DCC: variants seen among roughly 807,000 people sequenced by gnomAD.
DCC encodes the protein DCC netrin 1 receptor, also known as netrin receptor DCC.
DCC carries 58 observed loss-of-function variants against 172.5 expected under a neutral mutation model. That is an observed-to-expected ratio of 0.34 (90% CI 0.27 to 0.42). The LOEUF is 0.42. Among genes scored for constraint, DCC ranks in the 10% least tolerant of loss-of-function variants. The pLI, the probability that DCC is intolerant of heterozygous loss-of-function variation, is 1.00. For missense variants in DCC, 1,740 were observed against 1,791.0 expected (o/e 0.97, Z 0.51); for synonymous variants, 709 against 644.5 (o/e 1.10, Z -1.52).
chr18:52,786,954 T>C (rs1343662495), intron 2 of DCC, among the ~76,000 whole-genome samples: 10 of 152,136 alleles, frequency 6.6e-5, no homozygotes, highest in African/African-American at 2.4e-4. Context: ...ATTGCGATGA[T>C]GCAAACAACT....
chr18:53,512,423 C>T (rs923679703), intron 27 of DCC, among the ~76,000 whole-genome samples: 14 of 151,790 alleles, frequency 9.2e-5, no homozygotes, highest in African/African-American at 2.7e-4. Flanking sequence ...TCCAAAAGAA[C>T]GCAGTTCCTC....
chr18:52,341,197 G>A (rs1411364778), intron 1 of DCC, among the ~76,000 whole-genome samples: 2 of 152,184 alleles, frequency 1.3e-5, no homozygotes, highest in African/African-American at 2.4e-5. Flanking sequence ...ATCGTTGAAA[G>A]GAACTGGGCT....
intron 12 of DCC, among the ~76,000 whole-genome samples, chr18:53,232,424 A>T (rs184881774): frequency 1.5e-4 from 23 of 152,214 alleles, no homozygotes; most frequent in African/African-American, 5.3e-4. Context: ...TATCTTATGG[A>T]CTTATTATGG....
At chr18:52,387,778 T>G (rs1985871716) in intron 1 of DCC, among the ~76,000 whole-genome samples, 1 of 152,126 alleles carries the variant, frequency 6.6e-6, no homozygotes, top group Non-Finnish European at 1.5e-5. Context: ...TCAAATATTC[T>G]GCTGCAATGA....
In DCC at chr18:53,397,403, C is replaced by T; in HGVS notation, c.2784C>T (p.Ser928=). 1 of 1,613,794 alleles carries T rather than the reference C, an allele frequency of 6.2e-7. No homozygotes were observed. The highest frequency in any genetic ancestry group is 8.5e-7 in the Non-Finnish European group (1 of 1,179,890). ...TCATGGTAACAAAAAACAGAAGGTC[C>T]AGTACTTGGAGCATGACTGCACATG... The part of the protein sequence containing the change: ...FSVMVTKNRR[S]STWSMTAHAT... Residue 928 remains serine, a synonymous_variant, in exon 18 of 29, where the codon TCC becomes TCT. Coordinates refer to ENST00000442544, the MANE Select transcript of DCC (RefSeq NM_005215.4).
intron 7 of DCC, among the ~76,000 whole-genome samples, chr18:53,154,229 G>A (rs568970187): frequency 7.8e-4 from 118 of 152,204 alleles, no homozygotes; most frequent in Non-Finnish European, 1.3e-3. Context: ...TTGCCCTTCC[G>A]TTTCCCACAG....
Position 52,568,714 on chromosome 18 carries a change from T to C in DCC, c.92-183340T>C, listed in dbSNP as rs180934229. On this transcript the variant is annotated intron_variant, in intron 1 of 28. Coordinates refer to ENST00000442544, the MANE Select transcript of DCC (RefSeq NM_005215.4). ...CACACACACACCCCCACACTTCTCA[T>C]TTAGATGTACCCATAGACAAAAAGC... 1.3e-3 allele frequency among the ~76,000 whole-genome samples: 200 copies of C among 152,244 alleles called. 1 individual carries two copies. The highest frequency in any genetic ancestry group is 4.7e-3 in the African/African-American group (196 of 41,570).
chr18:52,853,924 T>A (rs1021853629), intron 2 of DCC, among the ~76,000 whole-genome samples: 1 of 152,218 alleles, frequency 6.6e-6, no homozygotes, highest in African/African-American at 2.4e-5. Context: ...GAGTCATAGT[T>A]GATATTCAAA....
At chr18:53,478,640 G>A (rs1055441516) in intron 25 of DCC, among the ~76,000 whole-genome samples, 1 of 152,152 alleles carries the variant, frequency 6.6e-6, no homozygotes, top group Non-Finnish European at 1.5e-5. Flanking sequence ...TGAAGCAAAG[G>A]AAGTTATACA....
intron 1 of DCC, among the ~76,000 whole-genome samples, chr18:52,429,031 G>C (rs1258396645): frequency 6.6e-6 from 1 of 151,788 alleles, no homozygotes. Context: ...CCTCTCTTTC[G>C]CACTTTACTT....
chr18:53,057,422 A>AT (rs1215080019), intron 5 of DCC, among the ~76,000 whole-genome samples: 2 of 151,996 alleles, frequency 1.3e-5, no homozygotes, highest in Non-Finnish European at 2.9e-5. Context: ...ACAGAATTAT[A>AT]TTTTTTCTAC....
At chr18:53,127,871 AC>A (rs1381163548) in intron 7 of DCC, among the ~76,000 whole-genome samples, 1 of 152,142 alleles carries the variant, frequency 6.6e-6, no homozygotes, top group African/African-American at 2.4e-5. Context: ...ACTATTCAGT[AC>A]CTATGGCACC....
chr18:52,826,144 T>C (rs990737717), intron 2 of DCC, among the ~76,000 whole-genome samples: 1 of 152,216 alleles, frequency 6.6e-6, no homozygotes, highest in Non-Finnish European at 1.5e-5. Context: ...TTTCAAAATT[T>C]TTACCACCAG....
intron 9 of DCC, among the ~76,000 whole-genome samples, chr18:53,200,215 A>C (rs766738971): frequency 3.3e-5 from 5 of 152,188 alleles, no homozygotes; most frequent in Non-Finnish European, 7.3e-5. Flanking sequence ...GATATAAAGA[A>C]ATTATCAGAT....
intron 7 of DCC, among the ~76,000 whole-genome samples, chr18:53,087,038 T>G (rs1400231306): frequency 6.6e-5 from 10 of 151,902 alleles, no homozygotes; most frequent in Non-Finnish European, 1.5e-4. Context: ...TCTTTGCTGT[T>G]GTGAATAGTG....
In DCC at chr18:53,279,272, A is replaced by G. The variant is rs1374132954; in HGVS notation, c.1912-26306A>G. On this transcript the variant is annotated intron_variant, in intron 12 of 28. Coordinates refer to ENST00000442544, the MANE Select transcript of DCC (RefSeq NM_005215.4). Reference sequence around the variant, plus strand: ...CAAATGTCCAACAATGATAGACTGGATTAAGAAAATGTGGCACATATACAC... The same window carrying G: ...CAAATGTCCAACAATGATAGACTGGGTTAAGAAAATGTGGCACATATACAC... 4.6e-5 allele frequency among the ~76,000 whole-genome samples: 7 copies of G among 152,138 alleles called. No individual in the cohort carries two copies. In the East Asian group the frequency reaches 1.4e-3, roughly 29 times the overall value.
rs143182098 is a variant in DCC at position 52,930,014 on chromosome 18, C to T, written c.985+4644C>T. On this transcript the variant is annotated intron_variant, in intron 5 of 28. Coordinates refer to ENST00000442544, the MANE Select transcript of DCC (RefSeq NM_005215.4). ...TTTTTTTTTCTTTTTGAGACAGGGT[C>T]TTGCTCTGTTGTGGCCTTGAGTTCG... 4.3e-3 allele frequency among the ~76,000 whole-genome samples: 647 copies of T among 152,158 alleles called. 8 individuals are homozygous for T. Among genetic ancestry groups the T allele is most frequent in the African/African-American group, 0.014 (580 of 41,520 alleles).
At chr18:53,028,024 A>G (rs995586925) in intron 5 of DCC, among the ~76,000 whole-genome samples, 1 of 152,148 alleles carries the variant, frequency 6.6e-6, no homozygotes, top group African/African-American at 2.4e-5. Context: ...AATATTAGGG[A>G]ACATTTAGCA....
chr18:52,440,096 G>C (rs960961520), intron 1 of DCC, among the ~76,000 whole-genome samples: 3 of 152,276 alleles, frequency 2.0e-5, no homozygotes, highest in East Asian at 1.9e-4. Context: ...AAGAACCAGA[G>C]TTTGCTCTTT....
Sources: allele counts gnomAD v4.1 joint callset (sites outside exome capture counted in the v4.1 genomes callset), GRCh38; gene constraint gnomAD v4.1.1; transcripts MANE v1.5; gene names NCBI Gene and HGNC (gene_info 2026-07-23, HGNC 2026-07-21).